The following SORL1 variants were observed in gnomAD, a reference collection of about 807,000 sequenced individuals.
SORL1 encodes sortilin related receptor 1, also known as sortilin-related receptor.
SORL1 carries 127 observed loss-of-function variants against 273.7 expected under a neutral mutation model. That is an observed-to-expected ratio of 0.46 (90% CI 0.40 to 0.54). SORL1 has a LOEUF of 0.54. Among genes scored for constraint, SORL1 ranks in the 20% least tolerant of loss-of-function variants. The pLI is 0.00. For missense variants in SORL1, 2,494 were observed against 2,846.1 expected, an observed-to-expected ratio of 0.88 and a Z score of 2.81; for synonymous variants, 1,031 against 1,067.4, an observed-to-expected ratio of 0.97 and a Z score of 0.66.
At chr11:121,584,263 A>G (rs1262157626) in intron 26 of SORL1, among the ~76,000 whole-genome samples, 2 of 152,262 alleles carry the variant, frequency 1.3e-5, no homozygotes, top group Non-Finnish European at 2.9e-5. Flanking sequence ...TGTCTCTACC[A>G]GTAAAACGTT....
In SORL1 at chr11:121,604,340, C is replaced by CGGGCT. The variant is rs746550595; in HGVS notation, c.4651+40_4651+44dup. Reference sequence around the variant, plus strand: ...GCCTGCAGTGGTGAGTGCCGGTCCACGGGCTGGGCTGGGCTGGGCTGGGCT... The same window carrying CGGGCT: ...GCCTGCAGTGGTGAGTGCCGGTCCACGGGCTGGGCTGGGCTGGGCTGGGCTGGGCT... On this transcript the variant is annotated intron_variant, in intron 33 of 47. Coordinates refer to ENST00000260197, the MANE Select transcript of SORL1 (RefSeq NM_003105.6). 2.9e-5 allele frequency: 33 copies of CGGGCT among 1,142,448 alleles called. No individual in the cohort carries two copies. The highest frequency in any genetic ancestry group is 6.7e-5 in the East Asian group (2 of 29,802). The allele number at this position is 1,142,448 out of a possible 1,614,324, so 70.8% of individuals were successfully genotyped here. A position where few individuals can be genotyped will look rare whatever the true frequency, so the allele number is the denominator to read the frequency against.
intron 36 of SORL1, 31 bp downstream of exon 36, chr11:121,606,988 G>T: frequency 6.7e-7 from 1 of 1,482,744 alleles, no homozygotes; most frequent in East Asian, 2.3e-5. Flanking sequence ...GGCTGTATGT[G>T]TGTTGGGGGT....
intron 41 of SORL1, among the ~76,000 whole-genome samples, chr11:121,618,440 C>CCTGG (rs1863670344): frequency 6.6e-6 from 1 of 152,132 alleles, no homozygotes; most frequent in African/African-American, 2.4e-5. Flanking sequence ...CCCCCCGTTC[C>CCTGG]CTGGCTCATC....
intron 3 of SORL1, among the ~76,000 whole-genome samples, chr11:121,485,355 T>A (rs1284212689): frequency 6.6e-6 from 1 of 152,156 alleles, no homozygotes; most frequent in Non-Finnish European, 1.5e-5. Context: ...GGGTGAGATG[T>A]GAACATGTGA....
intron 18 of SORL1, among the ~76,000 whole-genome samples, chr11:121,555,929 C>G (rs1565335112): frequency 6.6e-6 from 1 of 152,152 alleles, no homozygotes; most frequent in Non-Finnish European, 1.5e-5. Flanking sequence ...TATACTGACT[C>G]TGCATGGAGA....
At chr11:121,611,695 A>G (rs973492370) in intron 39 of SORL1, 8 of 152,508 alleles carry the variant, frequency 5.2e-5, no homozygotes, top group African/African-American at 1.9e-4. Context: ...TCCGCTTTCC[A>G]TAGTGTTCCT....
At chr11:121,624,268 G>A (rs754781743) in intron 45 of SORL1, among the ~76,000 whole-genome samples, 1 of 152,324 alleles carries the variant, frequency 6.6e-6, no homozygotes, top group Admixed American at 6.5e-5. Context: ...ATGCAAGGGG[G>A]CCCAATATGT....
At chr11:121,615,159 T>G in intron 41 of SORL1, 104 bp downstream of exon 41, 1 of 889,144 alleles carries the variant, frequency 1.1e-6, no homozygotes, top group Non-Finnish European at 1.7e-6. Flanking sequence ...AATGTTCCGG[T>G]GCCCCTGCTG....
At chr11:121,499,679 A>C (rs956267412) in intron 6 of SORL1, among the ~76,000 whole-genome samples, 9 of 152,222 alleles carry the variant, frequency 5.9e-5, no homozygotes, top group African/African-American at 1.9e-4. Context: ...AGGATAAACA[A>C]AGTTGGCCTC....
At chr11:121,465,823 G>A (rs1410384736) in intron 1 of SORL1, among the ~76,000 whole-genome samples, 2 of 152,122 alleles carry the variant, frequency 1.3e-5, no homozygotes, top group African/African-American at 4.8e-5. Flanking sequence ...CACCACGCCC[G>A]GCTGGGTGTG....
chr11:121,532,110 T>A (rs1176098545), intron 11 of SORL1, among the ~76,000 whole-genome samples: 1 of 151,962 alleles, frequency 6.6e-6, no homozygotes, highest in East Asian at 1.9e-4. Flanking sequence ...ACTGTCATAG[T>A]AGAACTGAAA....
intron 38 of SORL1, chr11:121,609,368 A>G (rs181578895): frequency 2.9e-4 from 44 of 152,358 alleles, no homozygotes; most frequent in African/African-American, 1.1e-3. Flanking sequence ...TGCTGAATTC[A>G]CACTCTCCTA....
intron 41 of SORL1, among the ~76,000 whole-genome samples, chr11:121,617,975 C>T (rs1015443379): frequency 1.3e-5 from 2 of 152,174 alleles, no homozygotes; most frequent in African/African-American, 4.8e-5. Context: ...TGAGCCCTGT[C>T]ATCTCCAGCC....
At position 121,535,195 on chromosome 11, in the gene SORL1, C is replaced by G. The variant is rs114048333; in HGVS notation, c.1685+2643C>G. On this transcript the variant is annotated intron_variant, in intron 12 of 47. Transcript: ENST00000260197. ...CCACTGTGCTCCATGTCAATGACAACCCCTAGAGCACAGATGTGAGTGGAG... is the reference window on the plus strand; with the variant it reads ...CCACTGTGCTCCATGTCAATGACAAGCCCTAGAGCACAGATGTGAGTGGAG... Among the ~76,000 whole-genome samples, 787 of 152,152 alleles carry G rather than the reference C, an allele frequency of 5.2e-3. 7 individuals are homozygous for G. The highest frequency in any genetic ancestry group is 0.018 in the African/African-American group (754 of 41,514).
intron 29 of SORL1, among the ~76,000 whole-genome samples, chr11:121,589,687 TC>T (rs1379331665): frequency 1.3e-5 from 2 of 152,168 alleles, no homozygotes; most frequent in Non-Finnish European, 2.9e-5. Flanking sequence ...TGGAGTGACC[TC>T]CCCCTAAAAG....
At chr11:121,524,086 A>T (rs546164576) in intron 11 of SORL1, among the ~76,000 whole-genome samples, 2 of 152,302 alleles carry the variant, frequency 1.3e-5, no homozygotes, top group African/African-American at 4.8e-5. Context: ...ATGTGTTCAG[A>T]TGAGGCAGAT....
Position 121,563,452 on chromosome 11 carries a change from G to A in SORL1, c.3050-3488G>A, listed in dbSNP as rs1862707456. Among the ~76,000 whole-genome samples, 1 of 152,158 alleles carries A rather than the reference G, an allele frequency of 6.6e-6. No individual in the cohort carries two copies. Among genetic ancestry groups the A allele is most frequent in the African/African-American group, 2.4e-5 (1 of 41,436 alleles). On this transcript the variant is annotated intron_variant, in intron 21 of 47. Coordinates refer to ENST00000260197, the MANE Select transcript of SORL1 (RefSeq NM_003105.6). This position sits in a 1 kb window ranked among gnomAD's most constrained non-coding sequence, Gnocchi z 4.2. Reference sequence around the variant, plus strand: ...GTTCTGTTACCCCGGCTGGAGTGCAGTGATGTGATCTTGGCTCACTGCAAC... The same window carrying A: ...GTTCTGTTACCCCGGCTGGAGTGCAATGATGTGATCTTGGCTCACTGCAAC...
chr11:121,545,202 G>A (rs1591320280), intron 13 of SORL1, 41 bp from the exon 14 acceptor site: 2 of 1,602,350 alleles, frequency 1.2e-6, no homozygotes, highest in Admixed American at 1.7e-5. Flanking sequence ...CCCTACATGG[G>A]CCTGCCTCTA....
At chr11:121,503,844 A>G (rs535805315) in intron 6 of SORL1, among the ~76,000 whole-genome samples, 17 of 152,300 alleles carry the variant, frequency 1.1e-4, no homozygotes, top group Non-Finnish European at 2.1e-4. Flanking sequence ...TTCTTTTTCA[A>G]GATTGTATTG....
Sources: allele counts gnomAD v4.1 joint callset (sites outside exome capture counted in the v4.1 genomes callset), GRCh38; gene constraint gnomAD v4.1.1; non-coding constraint Gnocchi (gnomAD v3.1); transcripts MANE v1.5; gene names NCBI Gene and HGNC (gene_info 2026-07-23, HGNC 2026-07-21).